The following TAF4 variants were observed in gnomAD, a reference collection of about 807,000 sequenced individuals.
The protein encoded by TAF4 is TATA-box binding protein associated factor 4, also known as transcription initiation factor TFIID subunit 4.
In TAF4, 9 loss-of-function variants were observed where a neutral mutation model predicts 90.3. The ratio of observed to expected loss-of-function variants is 0.10; its 90% CI spans 0.06 to 0.17. The LOEUF (loss-of-function observed/expected upper bound fraction) is 0.17, where lower values mean the gene tolerates loss of function less well. TAF4 is among the 10% of genes least tolerant of loss of function. TAF4 has a pLI of 1.00. For synonymous variants in TAF4, 818 were observed against 638.9 expected, an observed-to-expected ratio of 1.28 and a Z score of -4.23; for missense variants, 1,351 against 1,370.7, an observed-to-expected ratio of 0.99 and a Z score of 0.23.
chr20:62,043,622 T>G (rs1257783809), intron 1 of TAF4, among the ~76,000 whole-genome samples: 2 of 152,094 alleles, frequency 1.3e-5, no homozygotes, highest in Admixed American at 1.3e-4. Flanking sequence ...GATGCACCAT[T>G]TTTCATCTTT....
At chr20:62,011,176 T>C (rs949266931) in intron 3 of TAF4, among the ~76,000 whole-genome samples, 4 of 152,108 alleles carry the variant, frequency 2.6e-5, no homozygotes, top group African/African-American at 9.7e-5. Context: ...TGTGTATCTT[T>C]TCACTTGTAA....
chr20:62,003,707 G>T (rs749396077), intron 8 of TAF4, 24 bp downstream of exon 8: 1 of 1,560,008 alleles, frequency 6.4e-7, no homozygotes, highest in South Asian at 1.2e-5. Flanking sequence ...GTGTTGAGCG[G>T]CCAGGGGCCC....
intron 1 of TAF4, among the ~76,000 whole-genome samples, chr20:62,022,007 G>A (rs932143209): frequency 6.6e-6 from 1 of 151,962 alleles, no homozygotes; most frequent in East Asian, 1.9e-4. Flanking sequence ...GACAGCATCA[G>A]AGGCGGAGCG....
In TAF4 at chr20:62,006,892, C is replaced by T. The variant is rs888740507; in HGVS notation, c.1975-134G>A. The stretch of plus-strand genomic sequence containing the variant: ...AGATGGATCTTGGCCCTCACGGCAG[C>T]ATGTCTGGATGTCAAGGGCCAGGAC... On this transcript the variant is annotated intron_variant, in intron 6 of 14. Coordinates refer to ENST00000252996, the MANE Select transcript of TAF4 (RefSeq NM_003185.4). The surrounding 1 kb of genome is among the most constrained non-coding windows in gnomAD (Gnocchi z 7.0). The T allele has an allele frequency of 1.7e-5, 21 of 1,248,552 alleles. No individual in the cohort carries two copies. In the South Asian group the frequency reaches 3.9e-4, roughly 23 times the overall value. 77.3% of individuals were successfully genotyped at this position (1,248,552 alleles called of 1,614,324 possible). A position where few individuals can be genotyped will look rare whatever the true frequency, so the allele number is the denominator to read the frequency against.
chr20:62,043,733 G>A (rs2055976883), intron 1 of TAF4, among the ~76,000 whole-genome samples: 1 of 152,188 alleles, frequency 6.6e-6, no homozygotes, highest in Non-Finnish European at 1.5e-5. Flanking sequence ...TACAGCCCAG[G>A]AGCCAGGGGC....
At chr20:62,022,871 C>CCG (rs1555876352) in intron 1 of TAF4, among the ~76,000 whole-genome samples, 3 of 151,786 alleles carry the variant, frequency 2.0e-5, no homozygotes, top group African/African-American at 7.3e-5. Context: ...GCCCCCCCCC[C>CCG]GCACATTGCA....
Position 62,065,396 on chromosome 20 carries a change from G to A in TAF4, c.415C>T (p.Pro139Ser). Residue 139 changes from proline to serine, a missense_variant, in exon 1 of 15, where the codon CCG becomes TCG. Coordinates refer to ENST00000252996, the MANE Select transcript of TAF4 (RefSeq NM_003185.4). ...GCGACGGCGGCGGCGGCGGGCACCGGGGCGCAGGACCCCGCGCTGCCCTCG... is the reference window on the plus strand; with the variant it reads ...GCGACGGCGGCGGCGGCGGGCACCGAGGCGCAGGACCCCGCGCTGCCCTCG... ...PPEGSAGSCA[P>S]VPAAAAVAAG... is the part of the protein sequence containing the mutation. The A allele has an allele frequency of 1.0e-6, 1 of 973,100 alleles. No homozygotes were observed. Among genetic ancestry groups the A allele is most frequent in the African/African-American group, 1.8e-5 (1 of 55,570 alleles). 60.3% of individuals were successfully genotyped at this position (973,100 alleles called of 1,614,324 possible). A position where few individuals can be genotyped will look rare whatever the true frequency, so the allele number is the denominator to read the frequency against.
At chr20:62,013,774 G>A (rs952131378) in intron 2 of TAF4, among the ~76,000 whole-genome samples, 2 of 152,244 alleles carry the variant, frequency 1.3e-5, no homozygotes, top group East Asian at 1.9e-4. Context: ...GCACGTGCAG[G>A]TGACAGTCAT....
intron 14 of TAF4, among the ~76,000 whole-genome samples, chr20:61,981,859 G>A (rs1286782469): frequency 7.3e-5 from 9 of 122,580 alleles, no homozygotes; most frequent in East Asian, 2.4e-4. Context: ...ACACCCACCC[G>A]AGAGGAGACA....
intron 1 of TAF4, among the ~76,000 whole-genome samples, chr20:62,029,486 G>GCGCACACA (rs148456376): frequency 3.8e-4 from 55 of 146,186 alleles, no homozygotes; most frequent in East Asian, 2.3e-3. Flanking sequence ...GCGCGCGCGC[G>GCGCACACA]CACACACACA....
intron 14 of TAF4, 66 bp from the exon 15 acceptor site, chr20:61,976,401 T>A: frequency 6.3e-7 from 1 of 1,576,914 alleles, no homozygotes; most frequent in South Asian, 1.1e-5. Flanking sequence ...AATGAGCCTG[T>A]GTATCTGAGC....
At chr20:61,994,243 C>T (rs1471364811) in intron 14 of TAF4, among the ~76,000 whole-genome samples, 2 of 152,218 alleles carry the variant, frequency 1.3e-5, no homozygotes, top group Non-Finnish European at 2.9e-5. Context: ...ACATTTTCAG[C>T]GTGGGCTGCG....
At chr20:62,052,745 C>A (rs1240646179) in intron 1 of TAF4, among the ~76,000 whole-genome samples, 3 of 146,884 alleles carry the variant, frequency 2.0e-5, no homozygotes, top group Non-Finnish European at 3.0e-5. Context: ...CACCGCCCCC[C>A]ACACCCCACA....
chr20:62,049,393 C>T (rs1042461433), intron 1 of TAF4, among the ~76,000 whole-genome samples: 2 of 152,158 alleles, frequency 1.3e-5, no homozygotes, highest in African/African-American at 4.8e-5. Flanking sequence ...CACACAGGCC[C>T]ACTTCTGCGT....
At chr20:61,998,830 T>C (rs1340314197) in intron 12 of TAF4, among the ~76,000 whole-genome samples, 153 bp downstream of exon 12, 2 of 152,234 alleles carry the variant, frequency 1.3e-5, no homozygotes, top group East Asian at 3.9e-4. Context: ...GAGGCTTCTC[T>C]TTGCAGCTCC....
At chr20:62,039,097 T>C (rs951447571) in intron 1 of TAF4, among the ~76,000 whole-genome samples, 2 of 152,150 alleles carry the variant, frequency 1.3e-5, no homozygotes, top group African/African-American at 4.8e-5. Flanking sequence ...AGAGGCTTTT[T>C]TTGTAGAAGT....
intron 1 of TAF4, among the ~76,000 whole-genome samples, chr20:62,020,934 C>T (rs61451566): frequency 0.11 from 16,368 of 152,134 alleles, 1,267 homozygotes; most frequent in East Asian, 0.44. Context: ...CTGGAGCCAG[C>T]GTGAACATGA....
In TAF4 at chr20:62,056,840, GAAGT is replaced by G. The variant is rs564365085; in HGVS notation, c.1360+7607_1360+7610del. On this transcript the variant is annotated intron_variant, in intron 1 of 14. Coordinates refer to ENST00000252996, the MANE Select transcript of TAF4 (RefSeq NM_003185.4). ...ATTTTATCATCAAAAAAATCATGTTGAAGTAACTAATAATTTTTTACACTTACAG... is the reference window on the plus strand; with the variant it reads ...ATTTTATCATCAAAAAAATCATGTTGAACTAATAATTTTTTACACTTACAG... 7.0e-4 allele frequency among the ~76,000 whole-genome samples: 107 copies of G among 152,128 alleles called. 1 individual carries two copies. In the South Asian group the frequency reaches 0.021, roughly 30 times the overall value.
chr20:61,997,494 C>G, intron 14 of TAF4, 56 bp downstream of exon 14: 1 of 1,484,024 alleles, frequency 6.7e-7, no homozygotes, highest in Non-Finnish European at 9.0e-7. Flanking sequence ...AAGAGGGTGG[C>G]TCTAAGATGT....
Sources: gnomAD v4.1 joint callset for allele counts (sites outside exome capture counted in the v4.1 genomes callset) on GRCh38, gnomAD v4.1.1 for gene constraint, Gnocchi (gnomAD v3.1) non-coding constraint, MANE v1.5 for transcripts, NCBI Gene and HGNC (gene_info 2026-07-23, HGNC 2026-07-21) for gene names.